The following TOX2 variants were observed in gnomAD, a reference collection of about 807,000 sequenced individuals.
TOX2 encodes TOX high mobility group box family member 2.
TOX2 carries 15 observed loss-of-function variants against 47.4 expected under a neutral mutation model. The ratio of observed to expected loss-of-function variants is 0.32; its 90% CI spans 0.21 to 0.49. The LOEUF is 0.49. Among genes scored for constraint, TOX2 ranks in the 20% least tolerant of loss-of-function variants. The pLI, the probability that TOX2 is intolerant of heterozygous loss-of-function variation, is 0.99. For synonymous variants in TOX2, 290 were observed against 296.6 expected (o/e 0.98, Z 0.23); for missense variants, 622 against 673.1 (o/e 0.92, Z 0.84).
intron 1 of TOX2, among the ~76,000 whole-genome samples, chr20:43,972,114 A>C (rs1390674699): frequency 6.6e-6 from 1 of 152,220 alleles, no homozygotes; most frequent in Non-Finnish European, 1.5e-5. Context: ...TGCCTTGAGC[A>C]CAAGCTGCCT....
intron 3 of TOX2, among the ~76,000 whole-genome samples, chr20:44,044,910 T>C (rs2071390325): frequency 6.6e-6 from 1 of 152,306 alleles, no homozygotes; most frequent in East Asian, 1.9e-4. Context: ...AGTCTATACA[T>C]ACAAGGGTGT....
At chr20:44,016,491 C>T (rs1197135342) in intron 3 of TOX2, among the ~76,000 whole-genome samples, 3 of 152,110 alleles carry the variant, frequency 2.0e-5, no homozygotes, top group Non-Finnish European at 2.9e-5. Flanking sequence ...CCAACCTCGG[C>T]ACCACTGACA....
intron 1 of TOX2, among the ~76,000 whole-genome samples, chr20:43,964,252 C>T (rs1390537171): frequency 6.6e-6 from 1 of 152,184 alleles, no homozygotes; most frequent in Non-Finnish European, 1.5e-5. Flanking sequence ...CAGGCTGAGA[C>T]TGAGGCTTCC....
At position 44,026,079 on chromosome 20, in the gene TOX2, G is replaced by A. The variant is rs138888638; in HGVS notation, c.411+19287G>A. 3.4e-4 allele frequency among the ~76,000 whole-genome samples: 51 copies of A among 151,818 alleles called. 1 individual carries two copies. The East Asian group carries it at 9.9e-3, about 29-fold the overall frequency. Reference sequence around the variant, plus strand: ...TCTAAGATGGCCTGTTGCCTTGAACGGCTGTACCTGATTGGTCAACATTTG... The same window carrying A: ...TCTAAGATGGCCTGTTGCCTTGAACAGCTGTACCTGATTGGTCAACATTTG... On this transcript the variant is annotated intron_variant, in intron 3 of 8. Transcript: ENST00000341197.
At chr20:43,920,386 C>T (rs929185260) in intron 1 of TOX2, among the ~76,000 whole-genome samples, 7 of 152,182 alleles carry the variant, frequency 4.6e-5, no homozygotes, top group African/African-American at 1.7e-4. Flanking sequence ...GCCTGCCCGG[C>T]ATACTTGGTG....
chr20:44,031,746 G>T (rs1224064051), intron 3 of TOX2, among the ~76,000 whole-genome samples: 1 of 152,186 alleles, frequency 6.6e-6, no homozygotes, highest in Non-Finnish European at 1.5e-5. Flanking sequence ...AGAAGGGGTG[G>T]ATTTGGGAGA....
At chr20:44,045,903 CT>C (rs2071402823) in intron 3 of TOX2, among the ~76,000 whole-genome samples, 1 of 152,306 alleles carries the variant, frequency 6.6e-6, no homozygotes, top group Admixed American at 6.5e-5. Context: ...CTGATTTGAT[CT>C]TGAGGAGCTA....
Position 43,916,961 on chromosome 20 carries a change from C to G in TOX2, c.99+1971C>G, listed in dbSNP as rs886704615. ...TGTGCGAATCTCGCCGGGAAGGGCC[C>G]GTCAGGGAGGGAATGAGAAGCCGGC... On this transcript the variant is annotated intron_variant, in intron 1 of 8. Coordinates refer to ENST00000341197, the MANE Select transcript of TOX2 (RefSeq NM_001098797.2). The surrounding 1 kb of genome is among the most constrained non-coding windows in gnomAD (Gnocchi z 5.0). Among the ~76,000 whole-genome samples, 3 of 152,010 alleles carry G rather than the reference C, an allele frequency of 2.0e-5. No individual in the cohort carries two copies. The highest frequency in any genetic ancestry group is 2.0e-4 in the Admixed American group (3 of 15,270).
chr20:43,971,668 G>A (rs1009788818), intron 1 of TOX2, among the ~76,000 whole-genome samples: 14 of 152,310 alleles, frequency 9.2e-5, no homozygotes, highest in Admixed American at 9.2e-4. Flanking sequence ...GAGCAATATT[G>A]GGATAGCAGA....
intron 3 of TOX2, among the ~76,000 whole-genome samples, chr20:44,016,040 T>G (rs2070873083): frequency 6.6e-6 from 1 of 152,070 alleles, no homozygotes; most frequent in South Asian, 2.1e-4. Context: ...CAAAACATGT[T>G]CTTTTCCATG....
At chr20:44,027,699 G>A (rs1004146096) in intron 3 of TOX2, among the ~76,000 whole-genome samples, 1 of 152,232 alleles carries the variant, frequency 6.6e-6, no homozygotes, top group Non-Finnish European at 1.5e-5. Context: ...GTGCCTAGGT[G>A]CTTGGGGATG....
At chr20:43,924,838 A>G (rs1282305836) in intron 1 of TOX2, among the ~76,000 whole-genome samples, 1 of 152,204 alleles carries the variant, frequency 6.6e-6, no homozygotes, top group Non-Finnish European at 1.5e-5. Flanking sequence ...GGAAAGACAC[A>G]AGTGAAGTCC....
At chr20:43,921,548 T>G (rs1350820407) in intron 1 of TOX2, among the ~76,000 whole-genome samples, 5 of 152,162 alleles carry the variant, frequency 3.3e-5, no homozygotes, top group Non-Finnish European at 5.9e-5. Context: ...ATGCTTTCAT[T>G]TTCATCCACA....
chr20:44,068,591 T>G, intron 8 of TOX2, 59 bp from the exon 9 acceptor site: 1 of 1,566,004 alleles, frequency 6.4e-7, no homozygotes, highest in Non-Finnish European at 8.7e-7. Flanking sequence ...GGGGTCCTGG[T>G]GCTCCCCTGG....
At chr20:44,058,930 G>A (rs2071669516) in intron 5 of TOX2, among the ~76,000 whole-genome samples, 1 of 152,128 alleles carries the variant, frequency 6.6e-6, no homozygotes, top group Non-Finnish European at 1.5e-5. Context: ...AAATGGGAAG[G>A]AACCAGAAAA....
chr20:43,999,392 G>A (rs1156632322), intron 2 of TOX2, among the ~76,000 whole-genome samples: 1 of 151,802 alleles, frequency 6.6e-6, no homozygotes, highest in Non-Finnish European at 1.5e-5. Context: ...CAAAGTTTCA[G>A]GGCAAGATCA....
chr20:44,025,609 T>A (rs1340544977), intron 3 of TOX2, among the ~76,000 whole-genome samples: 1 of 8,818 alleles, frequency 1.1e-4, no homozygotes, highest in East Asian at 3.6e-3. Flanking sequence ...TAGAACTTTT[T>A]AAAAATCTGA....
chr20:43,970,074 G>A (rs1168540741), intron 1 of TOX2, among the ~76,000 whole-genome samples: 2 of 152,140 alleles, frequency 1.3e-5, no homozygotes, highest in African/African-American at 4.8e-5. Context: ...CCAGGCCCAA[G>A]GCAGACTATT....
rs1488748017 is a variant in TOX2 at position 43,973,402 on chromosome 20, C to T, written c.135C>T (p.Asp45=). The T allele has an allele frequency of 1.7e-5, 28 of 1,614,018 alleles. No individual in the cohort carries two copies. The highest frequency in any genetic ancestry group is 1.6e-4 in the Middle Eastern group (1 of 6,082). The change falls in exon 2 of 9, where the codon GAC becomes GAT. Residue 45 remains aspartate (D), a synonymous_variant. Transcript: ENST00000341197. ...ACAGTGCCTACGTGGGGATGAGTGACGGAAACCCAGAGCTCCTGTCAACCA... is the reference window on the plus strand; with the variant it reads ...ACAGTGCCTACGTGGGGATGAGTGATGGAAACCCAGAGCTCCTGTCAACCA... ...DGDSAYVGMS[D]GNPELLSTSQ... is the part of the protein sequence containing the mutation.
Sources: allele counts gnomAD v4.1 joint callset (sites outside exome capture counted in the v4.1 genomes callset), GRCh38; gene constraint gnomAD v4.1.1; non-coding constraint Gnocchi (gnomAD v3.1); transcripts MANE v1.5; gene names NCBI Gene and HGNC (gene_info 2026-07-23, HGNC 2026-07-21).